The following EFNA5 variants were observed in gnomAD, a reference collection of about 807,000 sequenced individuals.
EFNA5 encodes the protein ephrin-A5.
In EFNA5, 5 loss-of-function variants were observed where a neutral mutation model predicts 22.9. The ratio of observed to expected loss-of-function variants is 0.22; its 90% CI spans 0.11 to 0.46. The LOEUF is 0.46. EFNA5 is among the 20% of genes least tolerant of loss of function. The pLI is 0.99. For synonymous variants in EFNA5, 113 were observed against 112.2 expected, an observed-to-expected ratio of 1.01 and a Z score of -0.04; for missense variants, 237 against 293.3, an observed-to-expected ratio of 0.81 and a Z score of 1.40.
At chr5:107,580,840 A>G (rs930498823) in intron 1 of EFNA5, among the ~76,000 whole-genome samples, 5 of 152,180 alleles carry the variant, frequency 3.3e-5, no homozygotes, top group African/African-American at 4.8e-5. Flanking sequence ...CTGTGTCCAC[A>G]CAAAAGTGTG....
intron 1 of EFNA5, among the ~76,000 whole-genome samples, chr5:107,494,973 G>T (rs1173204870): frequency 6.6e-6 from 1 of 152,024 alleles, no homozygotes; most frequent in Non-Finnish European, 1.5e-5. Context: ...AAAAACCTTT[G>T]TGTCTAGCTC....
intron 1 of EFNA5, among the ~76,000 whole-genome samples, chr5:107,553,630 T>C (rs1211870479): frequency 1.3e-5 from 2 of 152,226 alleles, no homozygotes; most frequent in South Asian, 2.1e-4. Context: ...GGTAGAGCAA[T>C]TATCTGGCAA....
intron 1 of EFNA5, among the ~76,000 whole-genome samples, chr5:107,651,596 G>C (rs1750731217): frequency 6.6e-6 from 1 of 151,304 alleles, no homozygotes; most frequent in South Asian, 2.1e-4. Flanking sequence ...TGTTTGCTTG[G>C]TGGTTTGGCA....
intron 1 of EFNA5, among the ~76,000 whole-genome samples, chr5:107,446,118 C>A (rs1389286099): frequency 7.9e-5 from 12 of 152,142 alleles, no homozygotes; most frequent in Admixed American, 7.9e-4. Context: ...CCTGTAACAT[C>A]AGAACATAAC....
chr5:107,649,756 A>G (rs1750693052), intron 1 of EFNA5, among the ~76,000 whole-genome samples: 1 of 152,156 alleles, frequency 6.6e-6, no homozygotes, highest in South Asian at 2.1e-4. Flanking sequence ...TTAATAGCTA[A>G]AATTTATTGA....
At chr5:107,631,644 A>T (rs1189503254) in intron 1 of EFNA5, among the ~76,000 whole-genome samples, 9 of 152,168 alleles carry the variant, frequency 5.9e-5, no homozygotes, top group African/African-American at 2.2e-4. Context: ...TCCTACAAAA[A>T]ACATAAATAT....
At chr5:107,582,745 A>T (rs910113499) in intron 1 of EFNA5, among the ~76,000 whole-genome samples, 2 of 150,948 alleles carry the variant, frequency 1.3e-5, no homozygotes, top group African/African-American at 4.9e-5. Flanking sequence ...AAGATCTTGT[A>T]CAAAAAAAAA....
At chr5:107,475,229 C>A (rs1214764587) in intron 1 of EFNA5, among the ~76,000 whole-genome samples, 1 of 152,184 alleles carries the variant, frequency 6.6e-6, no homozygotes, top group Non-Finnish European at 1.5e-5. Context: ...ATTAATTTGT[C>A]TTTGTGGATT....
At chr5:107,462,261 G>T (rs966162562) in intron 1 of EFNA5, among the ~76,000 whole-genome samples, 1 of 151,966 alleles carries the variant, frequency 6.6e-6, no homozygotes. Flanking sequence ...CTGAAGAAAA[G>T]AATCAGCAAG....
intron 1 of EFNA5, among the ~76,000 whole-genome samples, chr5:107,466,595 A>G (rs1749991095): frequency 6.6e-6 from 1 of 152,084 alleles, no homozygotes; most frequent in Non-Finnish European, 1.5e-5. Flanking sequence ...CGACTTAGAG[A>G]AATTTGCTTT....
chr5:107,651,838 A>C (rs1437346574), intron 1 of EFNA5, among the ~76,000 whole-genome samples: 1 of 152,172 alleles, frequency 6.6e-6, no homozygotes, highest in African/African-American at 2.4e-5. Context: ...AAGATCTTCA[A>C]CATTTACCAG....
rs549998938 is a variant in EFNA5, at chr5:107,433,179, C to T, written c.126-5670G>A. 5.6e-4 allele frequency among the ~76,000 whole-genome samples: 85 copies of T among 152,206 alleles called. 1 individual carries two copies. Among genetic ancestry groups the T allele is most frequent in the Middle Eastern group, 3.4e-3 (1 of 294 alleles). ...CATGCAGGGCCAGTGACCTTAACCT[C>T]CCACATTGTTCAAGGATAAACTTCA... is the stretch of plus-strand genomic sequence containing the variant. On this transcript the variant is annotated intron_variant, in intron 1 of 4. Coordinates refer to ENST00000333274, the MANE Select transcript of EFNA5 (RefSeq NM_001962.3).
intron 1 of EFNA5, among the ~76,000 whole-genome samples, chr5:107,482,431 A>C (rs1415918067): frequency 2.0e-5 from 3 of 152,216 alleles, no homozygotes; most frequent in African/African-American, 7.2e-5. Flanking sequence ...ACAAGGAAAT[A>C]GTTCTTGTTT....
At chr5:107,406,543 T>G (rs1748226092) in intron 2 of EFNA5, among the ~76,000 whole-genome samples, 2 of 152,242 alleles carry the variant, frequency 1.3e-5, no homozygotes, top group South Asian at 2.1e-4. Flanking sequence ...CCTGACTATT[T>G]CATACATACA....
At chr5:107,631,957 C>T (rs1014938549) in intron 1 of EFNA5, among the ~76,000 whole-genome samples, 3 of 152,212 alleles carry the variant, frequency 2.0e-5, no homozygotes, top group Admixed American at 6.5e-5. Context: ...AAAAGAAACC[C>T]TCGCTGTACC....
At chr5:107,585,311 T>A (rs1749160921) in intron 1 of EFNA5, among the ~76,000 whole-genome samples, 1 of 152,234 alleles carries the variant, frequency 6.6e-6, no homozygotes, top group South Asian at 2.1e-4. Context: ...ACCCAGCAGC[T>A]GGCTTATTCC....
At chr5:107,592,296 G>A (rs1163840864) in intron 1 of EFNA5, among the ~76,000 whole-genome samples, 1 of 150,600 alleles carries the variant, frequency 6.6e-6, no homozygotes, top group Non-Finnish European at 1.5e-5. Context: ...AAATAAGTTT[G>A]TATAAACTTC....
intron 1 of EFNA5, among the ~76,000 whole-genome samples, chr5:107,599,375 T>A (rs568954979): frequency 6.6e-6 from 1 of 152,182 alleles, no homozygotes; most frequent in African/African-American, 2.4e-5. Context: ...GAGTATGATA[T>A]GGTTTAAGTA....
In EFNA5 at chr5:107,427,224, G is replaced by A; in HGVS notation, c.411C>T (p.Phe137=). 1.2e-6 allele frequency: 2 copies of A among 1,614,086 alleles called. No individual in the cohort carries two copies. The highest frequency in any genetic ancestry group is 1.7e-6 in the Non-Finnish European group (2 of 1,179,996). Residue 137 remains phenylalanine, a synonymous_variant, in exon 2 of 5, where the codon TTC becomes TTT. Coordinates refer to ENST00000333274, the MANE Select transcript of EFNA5 (RefSeq NM_001962.3). ...GFEFRPGREY[F]YISSAIPDNG... is the part of the protein sequence containing the mutation. Reference sequence around the variant, plus strand: ...AAATCTCTATATACTCACAGATGTAGAAATATTCTCGGCCTGGCCTGAATT... The same window carrying A: ...AAATCTCTATATACTCACAGATGTAAAAATATTCTCGGCCTGGCCTGAATT...
Sources: allele counts gnomAD v4.1 joint callset (sites outside exome capture counted in the v4.1 genomes callset), GRCh38; gene constraint gnomAD v4.1.1; transcripts MANE v1.5; gene names NCBI Gene and HGNC (gene_info 2026-07-23, HGNC 2026-07-21).